The following CRHR2 variants were observed in gnomAD, a reference collection of about 807,000 sequenced individuals.
CRHR2 encodes the protein corticotropin-releasing hormone receptor 2.
In CRHR2, 53 loss-of-function variants were observed where a neutral mutation model predicts 57.9. That is an observed-to-expected ratio of 0.92 (90% CI 0.73 to 1.15). CRHR2 has a LOEUF of 1.15. Ranked by LOEUF, CRHR2 falls within the 50% of genes most tolerant of loss-of-function variation. CRHR2 has a pLI of 0.00. For synonymous variants in CRHR2, 213 were observed against 220.9 expected, an observed-to-expected ratio of 0.96 and a Z score of 0.32; for missense variants, 532 against 542.6, an observed-to-expected ratio of 0.98 and a Z score of 0.19.
chr7:30,664,968 TC>T, intron 5 of CRHR2, 101 bp downstream of exon 5: 1 of 899,486 alleles, frequency 1.1e-6, no homozygotes. Context: ...GTAGTGAGCT[TC>T]CTGACAAAGG....
In CRHR2 at chr7:30,653,603, G is replaced by T; in HGVS notation, c.1096-3C>A. The T allele has an allele frequency of 6.2e-7, 1 of 1,607,998 alleles. No individual in the cohort carries two copies. Reference sequence around the variant, plus strand: ...CTCTTCCTCACGGCTGAGCGCACCTGTGGGGAAGGCAGAGGCTCAGCTGGC... The same window carrying T: ...CTCTTCCTCACGGCTGAGCGCACCTTTGGGGAAGGCAGAGGCTCAGCTGGC... On this transcript the variant is annotated splice_polypyrimidine_tract_variant and splice_region_variant and intron_variant, in intron 11 of 11. Coordinates refer to ENST00000471646, the MANE Select transcript of CRHR2 (RefSeq NM_001883.5). The surrounding 1 kb of genome is among the most constrained non-coding windows in gnomAD (Gnocchi z 5.0).
At chr7:30,659,803 G>A (rs1014415449) in intron 8 of CRHR2, among the ~76,000 whole-genome samples, 15 of 152,236 alleles carry the variant, frequency 9.9e-5, no homozygotes, top group South Asian at 2.1e-4. Flanking sequence ...TGGCACTCTC[G>A]CTGAGTCTCC....
intron 2 of CRHR2, among the ~76,000 whole-genome samples, chr7:30,677,494 A>G (rs1438097059): frequency 1.3e-5 from 2 of 152,200 alleles, no homozygotes; most frequent in East Asian, 1.9e-4. Context: ...ACTTGCCCCA[A>G]TTAAATTGTA....
chr7:30,662,985 C>T (rs1784071535), intron 5 of CRHR2, 138 bp from the exon 6 acceptor site: 1 of 1,013,662 alleles, frequency 9.9e-7, no homozygotes, highest in African/African-American at 1.6e-5. Context: ...GCGAACCTCA[C>T]TCTGAAAAGC....
At chr7:30,699,049 G>A (rs1004103382) in intron 1 of CRHR2, among the ~76,000 whole-genome samples, 22 of 152,346 alleles carry the variant, frequency 1.4e-4, no homozygotes, top group African/African-American at 5.3e-4. Flanking sequence ...AAGCTGGTCT[G>A]TGGCAGAGTC....
chr7:30,682,513 C>G, upstream of CRHR2: 7 of 1,263,696 alleles, frequency 5.5e-6, no homozygotes, highest in Admixed American at 4.4e-5. Context: ...ACAGCCGCTC[C>G]GCCGCGGCCA....
chr7:30,664,989 A>G, intron 5 of CRHR2, 81 bp downstream of exon 5: 1 of 1,145,172 alleles, frequency 8.7e-7, no homozygotes, highest in Non-Finnish European at 1.3e-6. Context: ...GAGGGGTCCA[A>G]GCAGAGACCA....
chr7:30,680,185 C>A (rs1051737349), intron 2 of CRHR2, among the ~76,000 whole-genome samples: 4 of 152,152 alleles, frequency 2.6e-5, no homozygotes, highest in Admixed American at 2.6e-4. Flanking sequence ...GTGCTTCCCC[C>A]CTAATTAGGG....
At chr7:30,694,906 A>AG (rs879305704) in intron 1 of CRHR2, among the ~76,000 whole-genome samples, 65,299 of 127,020 alleles carry the variant, frequency 0.51, 18,141 homozygotes, top group Non-Finnish European at 0.63. Flanking sequence ...ATGAGGAGAG[A>AG]AGAAGGGGTC....
At chr7:30,668,914 C>T (rs142317623) in intron 2 of CRHR2, among the ~76,000 whole-genome samples, 2,418 of 152,330 alleles carry the variant, frequency 0.016, 30 homozygotes, top group Admixed American at 0.027. Context: ...GCCCAACTCC[C>T]CAGGTGGGAT....
chr7:30,686,056 C>G (rs1188369531), upstream of CRHR2, among the ~76,000 whole-genome samples: 1 of 152,168 alleles, frequency 6.6e-6, no homozygotes, highest in Non-Finnish European at 1.5e-5. Context: ...TGATCATCGT[C>G]CCCCATCCTC....
intron 1 of CRHR2, among the ~76,000 whole-genome samples, chr7:30,696,653 G>A (rs1392829703): frequency 6.6e-6 from 1 of 152,118 alleles, no homozygotes. Context: ...GAACCCAGGA[G>A]GCAGAGGTTG....
chr7:30,693,121 C>T (rs926668032), intron 1 of CRHR2, among the ~76,000 whole-genome samples: 4 of 152,164 alleles, frequency 2.6e-5, no homozygotes, highest in African/African-American at 9.7e-5. Context: ...GTGGGCAGGA[C>T]CTTGCACAAG....
chr7:30,660,533 T>G, intron 8 of CRHR2, 40 bp downstream of exon 8: 1 of 1,547,926 alleles, frequency 6.5e-7, no homozygotes, highest in Non-Finnish European at 8.7e-7. Flanking sequence ...TTCTGTCCTC[T>G]TGGCACCCAG....
chr7:30,689,029 C>T (rs1462675533), intron 2 of CRHR2: 7 of 697,786 alleles, frequency 1.0e-5, no homozygotes, highest in Non-Finnish European at 1.3e-5. Context: ...GAAGGGCCTG[C>T]GTAAGGGCCC....
At chr7:30,695,324 G>A (rs570672550) in intron 1 of CRHR2, among the ~76,000 whole-genome samples, 2 of 152,210 alleles carry the variant, frequency 1.3e-5, no homozygotes, top group Non-Finnish European at 2.9e-5. Context: ...AGCTCCCAGC[G>A]GCTTTCTTGT....
At chr7:30,697,598 G>T (rs927638465) in intron 1 of CRHR2, among the ~76,000 whole-genome samples, 3 of 152,018 alleles carry the variant, frequency 2.0e-5, no homozygotes, top group Non-Finnish European at 4.4e-5. Flanking sequence ...CTGGGCCAGG[G>T]CATCCTCTTC....
In CRHR2 at chr7:30,665,490, G is replaced by A; in HGVS notation, c.425+40C>T. The A allele has an allele frequency of 1.4e-6, 2 of 1,480,194 alleles. No homozygotes were observed. The highest frequency in any genetic ancestry group is 9.2e-7 in the Non-Finnish European group (1 of 1,082,194). The allele number at this position is 1,480,194 out of a possible 1,614,324, so 91.7% of individuals were successfully genotyped here. A position where few individuals can be genotyped will look rare whatever the true frequency, so the allele number is the denominator to read the frequency against. ...GAGAGGTGAAGGGGGTGCTGTAGGG[G>A]GAGGGATGAGGAGAAAGCAAGGCGG... On this transcript the variant is annotated intron_variant, in intron 4 of 11. Transcript: ENST00000471646. The surrounding 1 kb of genome is among the most constrained non-coding windows in gnomAD (Gnocchi z 4.5).
At position 30,655,228 on chromosome 7, in the gene CRHR2, A is replaced by G. The variant is rs571749683; in HGVS notation, c.1054-148T>C. The G allele has an allele frequency of 7.0e-5, 63 of 898,038 alleles. 2 individuals are homozygous for G. In the South Asian group the frequency reaches 1.0e-3, roughly 14 times the overall value. 55.6% of individuals were successfully genotyped at this position (898,038 alleles called of 1,614,324 possible). On this transcript the variant is annotated intron_variant, in intron 10 of 11. Coordinates refer to ENST00000471646, the MANE Select transcript of CRHR2 (RefSeq NM_001883.5). ...CAGAGCTGGGTGGGGTCCTAGCCTCAGGGTGCAGATATTCCACGGTCCACT... is the reference window on the plus strand; with the variant it reads ...CAGAGCTGGGTGGGGTCCTAGCCTCGGGGTGCAGATATTCCACGGTCCACT...
Sources: allele counts gnomAD v4.1 joint callset (sites outside exome capture counted in the v4.1 genomes callset), GRCh38; gene constraint gnomAD v4.1.1; non-coding constraint Gnocchi (gnomAD v3.1); transcripts MANE v1.5; gene names NCBI Gene and HGNC (gene_info 2026-07-23, HGNC 2026-07-21).